ALMS1: variants seen among roughly 807,000 people sequenced by gnomAD.
ALMS1 encodes centrosome-associated protein ALMS1.
A neutral mutation model predicts 352.2 loss-of-function variants in ALMS1; 271 were observed. That is an observed-to-expected ratio of 0.77 (90% confidence interval 0.70 to 0.85). The LOEUF is 0.85. ALMS1 is among the 40% of genes least tolerant of loss of function. The pLI is 0.00. For synonymous variants in ALMS1, 1,865 were observed against 1,761.2 expected, an observed-to-expected ratio of 1.06 and a Z score of -1.48; for missense variants, 5,445 against 4,870.7, an observed-to-expected ratio of 1.12 and a Z score of -3.51.
intron 9 of ALMS1, among the ~76,000 whole-genome samples, chr2:73,477,683 T>C (rs1217000737): frequency 6.6e-6 from 1 of 152,200 alleles, no homozygotes; most frequent in Admixed American, 6.5e-5. Flanking sequence ...ACTAGACATA[T>C]ATTTATTTTG....
chr2:73,602,416 G>T (rs1490190140), intron 20 of ALMS1, 48 bp downstream of exon 20: 3 of 1,608,294 alleles, frequency 1.9e-6, no homozygotes, highest in Non-Finnish European at 2.6e-6. Context: ...GAGAAGGCAA[G>T]GTCTGCTGCT....
At chr2:73,595,898 T>C (rs1245154362) in intron 16 of ALMS1, among the ~76,000 whole-genome samples, 1 of 152,236 alleles carries the variant, frequency 6.6e-6, no homozygotes, top group Non-Finnish European at 1.5e-5. Flanking sequence ...ATGTTGAACA[T>C]TTTGTGTGCT....
At chr2:73,591,643 C>G (rs1403696457) in intron 16 of ALMS1, among the ~76,000 whole-genome samples, 1 of 152,112 alleles carries the variant, frequency 6.6e-6, no homozygotes, top group African/African-American at 2.4e-5. Flanking sequence ...AAATATCTAA[C>G]AAGCTAGATG....
intron 10 of ALMS1, among the ~76,000 whole-genome samples, chr2:73,517,246 C>T (rs373232972): frequency 9.6e-4 from 101 of 104,872 alleles, no homozygotes; most frequent in African/African-American, 2.6e-3. Flanking sequence ...AAGTTTTAGT[C>T]TTTTTTTTTT....
At chr2:73,426,931 T>C (rs1671392638) in intron 6 of ALMS1, among the ~76,000 whole-genome samples, 1 of 152,240 alleles carries the variant, frequency 6.6e-6, no homozygotes, top group Non-Finnish European at 1.5e-5. Context: ...GCTTGTAACT[T>C]GTACCTGTTC....
intron 7 of ALMS1, among the ~76,000 whole-genome samples, chr2:73,441,610 A>ACTATTCCTATTCCTATTC (rs111395015): frequency 0.016 from 2,441 of 150,982 alleles, 63 homozygotes; most frequent in African/African-American, 0.05. Flanking sequence ...TCTCCTTCCC[A>ACTATTCCTATTCCTATTC]CTATTCCTAT....
At chr2:73,395,550 T>C (rs1189915963) in intron 1 of ALMS1, among the ~76,000 whole-genome samples, 3 of 152,150 alleles carry the variant, frequency 2.0e-5, no homozygotes, top group African/African-American at 4.8e-5. Flanking sequence ...TTTAATGGTA[T>C]TGTCAGTGGA....
rs2103794345 is a variant in ALMS1 at position 73,454,057 on chromosome 2, A to G, written c.7530A>G (p.Val2510=). ...ATGCAGAGGAAGAGGAAAGCCGGGTACGAGCACATGGTAAGAAGAAAGTTT... is the reference window on the plus strand; with the variant it reads ...ATGCAGAGGAAGAGGAAAGCCGGGTGCGAGCACATGGTAAGAAGAAAGTTT... ...LRNAEEEESR[V]RAHAWNMKFN... Residue 2510 remains valine (V), a synonymous_variant, in exon 8 of 23, where the codon GTA becomes GTG. Transcript: ENST00000613296. 1 of 1,610,564 alleles carries G rather than the reference A, an allele frequency of 6.2e-7. No individual in the cohort carries two copies. Among genetic ancestry groups the G allele is most frequent in the East Asian group, 2.2e-5 (1 of 44,528 alleles).
intron 9 of ALMS1, among the ~76,000 whole-genome samples, chr2:73,485,963 G>T (rs1269320903): frequency 6.6e-6 from 1 of 151,868 alleles, no homozygotes; most frequent in Non-Finnish European, 1.5e-5. Context: ...ACTGACCTGC[G>T]CCCACTGTCT....
At chr2:73,516,410 G>T (rs544883307) in intron 10 of ALMS1, among the ~76,000 whole-genome samples, 3 of 152,280 alleles carry the variant, frequency 2.0e-5, no homozygotes, top group African/African-American at 7.2e-5. Context: ...GCTTAAAACA[G>T]AACTACCATT....
intron 2 of ALMS1, among the ~76,000 whole-genome samples, chr2:73,415,658 G>A (rs1182502930): frequency 3.3e-5 from 5 of 152,272 alleles, no homozygotes; most frequent in South Asian, 4.1e-4. Flanking sequence ...GGATTTCCAG[G>A]CAATATTGAG....
At chr2:73,437,594 C>T (rs570979422) in intron 7 of ALMS1, among the ~76,000 whole-genome samples, 183 of 152,306 alleles carry the variant, frequency 1.2e-3, no homozygotes, top group Non-Finnish European at 1.8e-3. Flanking sequence ...ATCGTATCTA[C>T]TGATGTACCC....
intron 10 of ALMS1, among the ~76,000 whole-genome samples, chr2:73,492,115 G>GCC (rs1673003180): frequency 6.6e-6 from 1 of 152,070 alleles, no homozygotes; most frequent in South Asian, 2.1e-4. Flanking sequence ...GGATAAGTTC[G>GCC]TTAGATTTAT....
chr2:73,593,616 A>G (rs1558707812), intron 16 of ALMS1, among the ~76,000 whole-genome samples: 1 of 152,234 alleles, frequency 6.6e-6, no homozygotes, highest in Non-Finnish European at 1.5e-5. Context: ...TTACCTGTTT[A>G]AAGTGTACAG....
chr2:73,387,135 G>T (rs906258783), intron 1 of ALMS1, among the ~76,000 whole-genome samples: 1 of 152,234 alleles, frequency 6.6e-6, no homozygotes, highest in African/African-American at 2.4e-5. Context: ...GACAGTGAAG[G>T]TGTAGAGTTT....
intron 1 of ALMS1, among the ~76,000 whole-genome samples, chr2:73,391,551 C>T (rs1225164017): frequency 1.3e-5 from 2 of 152,138 alleles, no homozygotes; most frequent in African/African-American, 2.4e-5. Context: ...CCTCGGCCTC[C>T]CAAAGTGCTG....
intron 2 of ALMS1, among the ~76,000 whole-genome samples, chr2:73,416,468 A>C (rs1212965750): frequency 6.6e-6 from 1 of 152,198 alleles, no homozygotes; most frequent in East Asian, 1.9e-4. Flanking sequence ...TGTAGTGGAT[A>C]GTGGGTATCT....
chr2:73,485,497 T>G (rs911827597), intron 9 of ALMS1, among the ~76,000 whole-genome samples: 2 of 152,222 alleles, frequency 1.3e-5, no homozygotes, highest in Non-Finnish European at 2.9e-5. Context: ...ACAGGGACAT[T>G]TAAGTCTGCA....
intron 9 of ALMS1, among the ~76,000 whole-genome samples, chr2:73,487,332 A>G (rs1237772015): frequency 1.3e-5 from 2 of 152,170 alleles, no homozygotes; most frequent in Non-Finnish European, 2.9e-5. Context: ...CGGCTGTGGT[A>G]GGGCAGGCAG....
Sources: gnomAD v4.1 joint callset for allele counts (sites outside exome capture counted in the v4.1 genomes callset) on GRCh38, gnomAD v4.1.1 for gene constraint, MANE v1.5 for transcripts, NCBI Gene and HGNC (gene_info 2026-07-23, HGNC 2026-07-21) for gene names.